Variants in LUC7L observed in about 807,000 individuals in gnomAD.
The protein encoded by LUC7L is LUC7 like.
In LUC7L, 29 loss-of-function variants were observed where a neutral mutation model predicts 51.1. That is an observed-to-expected ratio of 0.57 (90% CI 0.42 to 0.77). The LOEUF (loss-of-function observed/expected upper bound fraction) is 0.77, where lower values mean the gene tolerates loss of function less well. Among genes scored for constraint, LUC7L ranks in the 30% least tolerant of loss-of-function variants. LUC7L has a pLI of 0.00. For missense variants in LUC7L, 403 were observed against 511.9 expected, an observed-to-expected ratio of 0.79 and a Z score of 2.05; for synonymous variants, 181 against 180.7, an observed-to-expected ratio of 1.00 and a Z score of -0.01.
chr16:224,924 G>A (rs2050087891), intron 2 of LUC7L, among the ~76,000 whole-genome samples: 1 of 152,164 alleles, frequency 6.6e-6, no homozygotes, highest in African/African-American at 2.4e-5. Context: ...ACTGAGGATA[G>A]GCTTGGGTTC....
chr16:225,006 C>T (rs929188801), intron 2 of LUC7L, among the ~76,000 whole-genome samples: 2 of 152,124 alleles, frequency 1.3e-5, no homozygotes, highest in Non-Finnish European at 2.9e-5. Flanking sequence ...CTGGCCATTC[C>T]CCTGGATGCC....
At chr16:192,246 C>T (rs896940766) in intron 7 of LUC7L, among the ~76,000 whole-genome samples, 32 of 152,150 alleles carry the variant, frequency 2.1e-4, no homozygotes, top group Non-Finnish European at 3.8e-4. Context: ...CTGCCACCTC[C>T]TCCATCTGGA....
intron 3 of LUC7L, among the ~76,000 whole-genome samples, chr16:212,078 GA>G (rs1294478380): frequency 5.9e-5 from 9 of 152,192 alleles, no homozygotes; most frequent in African/African-American, 2.2e-4. Flanking sequence ...TGGATCACCT[GA>G]GGTCAGGAGT....
In LUC7L at chr16:224,300, C is replaced by T. The variant is rs556373773; in HGVS notation, c.156+2942G>A. On this transcript the variant is annotated intron_variant, in intron 2 of 9. Coordinates refer to ENST00000293872, the MANE Select transcript of LUC7L (RefSeq NM_201412.3). ...TTGGGAGGCCGAGGAGGGCGGATCA[C>T]CTTAGGTCAGAAGTTCGTGACCAGC... is the stretch of plus-strand genomic sequence containing the variant. Among the ~76,000 whole-genome samples, 12 of 151,120 alleles carry T rather than the reference C, an allele frequency of 7.9e-5. No individual in the cohort carries two copies. In the South Asian group the frequency reaches 1.9e-3, roughly 24 times the overall value.
At chr16:196,631 G>GA (rs1484917110) in intron 6 of LUC7L, among the ~76,000 whole-genome samples, 2 of 149,510 alleles carry the variant, frequency 1.3e-5, no homozygotes, top group Non-Finnish European at 3.0e-5. Flanking sequence ...GGGTTCAAGC[G>GA]ATTCTCCTGC....
At chr16:215,589 C>T (rs2049771267) in intron 3 of LUC7L, among the ~76,000 whole-genome samples, 1 of 150,288 alleles carries the variant, frequency 6.7e-6, no homozygotes, top group South Asian at 2.1e-4. Context: ...CGCCATTGCA[C>T]TCCAGCCTGG....
Position 189,302 on chromosome 16 carries a change from C to T in LUC7L, c.1012G>A (p.Glu338Lys), listed in dbSNP as rs2048946272. The T allele has an allele frequency of 6.2e-7, 1 of 1,613,012 alleles. No homozygotes were observed. The highest frequency in any genetic ancestry group is 8.5e-7 in the Non-Finnish European group (1 of 1,179,874). Reference protein sequence around the residue: ...RERASREESWESGRSERGPPD... With the variant: ...RERASREESWKSGRSERGPPD... The stretch of plus-strand genomic sequence containing the variant: ...GGCCCTCGCTCGCTCCGCCCGCTCT[C>T]CCAGGACTCCTCTCTGGATGCCCGC... Residue 338 changes from glutamate to lysine, a missense_variant, in exon 10 of 10, where the codon GAG becomes AAG. By Grantham distance (56) the Glu-to-Lys change is moderately conservative. Transcript: ENST00000293872.
chr16:206,161 G>T lies in LUC7L; in HGVS notation c.367-14C>A, dbSNP rs1470521829. 4.3e-6 allele frequency: 7 copies of T among 1,610,810 alleles called. No individual in the cohort carries two copies. The highest frequency in any genetic ancestry group is 5.9e-6 in the Non-Finnish European group (7 of 1,179,220). On this transcript the variant is annotated splice_polypyrimidine_tract_variant and intron_variant, in intron 4 of 9. Coordinates refer to ENST00000293872, the MANE Select transcript of LUC7L (RefSeq NM_201412.3). Reference sequence around the variant, plus strand: ...TACTTTTTCTGCCTGTGAGGAGAAAGAATGAGGTAAGCAGACATCTGAAAA... The same window carrying T: ...TACTTTTTCTGCCTGTGAGGAGAAATAATGAGGTAAGCAGACATCTGAAAA...
chr16:227,674 G>A (rs1442161142), intron 1 of LUC7L: 1 of 1,083,228 alleles, frequency 9.2e-7, no homozygotes, highest in Non-Finnish European at 1.1e-6. Context: ...CTAATCAGAG[G>A]TCCATGAACC....
chr16:217,801 G>A (rs906189203), intron 3 of LUC7L, among the ~76,000 whole-genome samples: 1 of 151,946 alleles, frequency 6.6e-6, no homozygotes, highest in Non-Finnish European at 1.5e-5. Context: ...CACTTTGGGA[G>A]GCCAAGGCAG....
At chr16:225,611 T>C (rs7200874) in intron 2 of LUC7L, among the ~76,000 whole-genome samples, 7,552 of 148,566 alleles carry the variant, frequency 0.051, 237 homozygotes, top group Non-Finnish European at 0.068. Context: ...CTCAGTCTCC[T>C]GAGTAGCTGG....
chr16:194,890 GC>G (rs1295815825), intron 6 of LUC7L, among the ~76,000 whole-genome samples: 1 of 152,176 alleles, frequency 6.6e-6, no homozygotes, highest in Non-Finnish European at 1.5e-5. Flanking sequence ...GTCAAGTGAA[GC>G]CCTGAGTGGG....
At chr16:227,528 T>G (rs2050161224) in intron 1 of LUC7L, 192 bp from the exon 2 acceptor site, 14 of 1,415,346 alleles carry the variant, frequency 9.9e-6, no homozygotes, top group Non-Finnish European at 1.3e-5. Context: ...GCTAGTTATA[T>G]CATGGAGAAT....
chr16:210,928 A>G (rs1246903551), intron 3 of LUC7L, among the ~76,000 whole-genome samples: 1 of 140,592 alleles, frequency 7.1e-6, no homozygotes, highest in African/African-American at 2.7e-5. Context: ...GCGGGCGCCT[A>G]TAGTCCCAGG....
chr16:196,227 G>C (rs1443110872), intron 6 of LUC7L, among the ~76,000 whole-genome samples: 1 of 152,094 alleles, frequency 6.6e-6, no homozygotes, highest in East Asian at 1.9e-4. Context: ...GAGCAACACG[G>C]TGAAACCCCA....
intron 2 of LUC7L, among the ~76,000 whole-genome samples, chr16:225,389 G>C (rs1394539143): frequency 1.3e-5 from 2 of 151,546 alleles, no homozygotes; most frequent in African/African-American, 2.4e-5. Context: ...GGGAGGCTGA[G>C]GCAAGAGAAT....
intron 3 of LUC7L, 36 bp downstream of exon 3, chr16:220,613 C>T (rs369954866): frequency 6.5e-5 from 95 of 1,468,100 alleles, no homozygotes; most frequent in Non-Finnish European, 8.1e-5. Flanking sequence ...TTGGGTTCTT[C>T]GCAGTAGGAA....
chr16:199,288 C>G, intron 5 of LUC7L, 50 bp from the exon 6 acceptor site: 1 of 1,171,942 alleles, frequency 8.5e-7, no homozygotes, highest in African/African-American at 1.5e-5. Context: ...GAACTGCCAC[C>G]ACAAATTCAA....
intron 3 of LUC7L, chr16:220,438 GA>G (rs2049932904): frequency 2.1e-6 from 1 of 482,172 alleles, no homozygotes; most frequent in Admixed American, 3.8e-5. Context: ...AACAAAATGA[GA>G]TAACACATAT....
Sources: allele counts gnomAD v4.1 joint callset (sites outside exome capture counted in the v4.1 genomes callset), GRCh38; gene constraint gnomAD v4.1.1; transcripts MANE v1.5; gene names NCBI Gene and HGNC (gene_info 2026-07-23, HGNC 2026-07-21).